NEDD4: variants seen among roughly 807,000 people sequenced by gnomAD.
NEDD4 encodes the protein NEDD4 E3 ubiquitin protein ligase.
A neutral mutation model predicts 144.9 loss-of-function variants in NEDD4; 99 were observed. That is an observed-to-expected ratio of 0.68 (90% CI 0.58 to 0.81). The LOEUF is 0.81. Among genes scored for constraint, NEDD4 ranks in the 30% least tolerant of loss-of-function variants. NEDD4 has a pLI of 0.00. For missense variants in NEDD4, 985 were observed against 1,065.9 expected, an observed-to-expected ratio of 0.92 and a Z score of 1.06; for synonymous variants, 318 against 350.6, an observed-to-expected ratio of 0.91 and a Z score of 1.04.
At chr15:55,917,115 C>T (rs1299396084) in intron 5 of NEDD4, 3 of 1,155,716 alleles carry the variant, frequency 2.6e-6, no homozygotes. Context: ...GACCTTTAAG[C>T]TGAGCTCAGC....
chr15:55,938,509 G>C (rs1595860825), intron 4 of NEDD4, among the ~76,000 whole-genome samples: 1 of 152,180 alleles, frequency 6.6e-6, no homozygotes, highest in Admixed American at 6.5e-5. Context: ...AAAACCCATA[G>C]AAGAAAACAG....
intron 4 of NEDD4, among the ~76,000 whole-genome samples, chr15:55,929,451 C>T (rs749185001): frequency 6.6e-6 from 1 of 151,594 alleles, no homozygotes; most frequent in Non-Finnish European, 1.5e-5. Context: ...AAGCATAGTA[C>T]CCAACAGGCA....
intron 5 of NEDD4, among the ~76,000 whole-genome samples, chr15:55,923,162 C>A (rs1018850625): frequency 6.6e-6 from 1 of 151,684 alleles, no homozygotes; most frequent in Non-Finnish European, 1.5e-5. Flanking sequence ...CCAGCCTAGG[C>A]AACAGAGTGA....
chr15:55,943,637 C>T (rs1396787814), intron 4 of NEDD4, among the ~76,000 whole-genome samples: 5 of 152,170 alleles, frequency 3.3e-5, no homozygotes, highest in African/African-American at 4.8e-5. Context: ...GGAAATGTGT[C>T]GATATCCACA....
At chr15:55,906,801 A>T (rs1459687211) in intron 5 of NEDD4, among the ~76,000 whole-genome samples, 1 of 152,168 alleles carries the variant, frequency 6.6e-6, no homozygotes, top group African/African-American at 2.4e-5. Context: ...AATAAATAAA[A>T]AATAAAATTT....
In NEDD4 at chr15:55,934,702, A is replaced by AC. The variant is rs1482003492; in HGVS notation, c.238-10004dup. 16 of 151,632 alleles carry AC rather than the reference A, an allele frequency of 1.1e-4. 1 individual carries two copies. The highest frequency in any genetic ancestry group is 1.5e-5 in the Non-Finnish European group (1 of 67,928). 9.4% of individuals were successfully genotyped at this position (151,632 alleles called of 1,614,324 possible). ...TAAATCTCTGTCTTACCTTTGTCCCACCCCCAGAGCAAATACAGTAAACAG... is the reference window on the plus strand; with the variant it reads ...TAAATCTCTGTCTTACCTTTGTCCCACCCCCCAGAGCAAATACAGTAAACAG... On this transcript the variant is annotated intron_variant, in intron 4 of 28. Coordinates refer to ENST00000435532, the MANE Select transcript of NEDD4 (RefSeq NM_006154.4).
At chr15:55,930,645 C>G (rs2036761541) in intron 4 of NEDD4, among the ~76,000 whole-genome samples, 1 of 152,146 alleles carries the variant, frequency 6.6e-6, no homozygotes, top group South Asian at 2.1e-4. Context: ...CAAATTTCAC[C>G]TGAATTGTAA....
intron 8 of NEDD4, among the ~76,000 whole-genome samples, chr15:55,864,757 G>C (rs1481876917): frequency 6.6e-6 from 1 of 150,490 alleles, no homozygotes; most frequent in African/African-American, 2.4e-5. Flanking sequence ...GGAATAAGCA[G>C]CACAATTTTT....
intron 9 of NEDD4, among the ~76,000 whole-genome samples, chr15:55,861,866 T>C (rs10851599): frequency 6.6e-6 from 1 of 152,044 alleles, no homozygotes; most frequent in African/African-American, 2.4e-5. Flanking sequence ...GTTCTTACTG[T>C]ACCGTAGCTA....
At chr15:55,902,770 TAATC>T (rs1481473593) in intron 5 of NEDD4, among the ~76,000 whole-genome samples, 1 of 152,166 alleles carries the variant, frequency 6.6e-6, no homozygotes, top group African/African-American at 2.4e-5. Context: ...AAGTATGTGT[TAATC>T]AATAAAAGTA....
At chr15:55,889,378 G>A (rs1258229535) in intron 5 of NEDD4, among the ~76,000 whole-genome samples, 1 of 152,160 alleles carries the variant, frequency 6.6e-6, no homozygotes, top group Non-Finnish European at 1.5e-5. Context: ...ACACAATGGA[G>A]TACTATCCAG....
chr15:55,896,904 A>G (rs1388855381), intron 5 of NEDD4, among the ~76,000 whole-genome samples: 4 of 151,820 alleles, frequency 2.6e-5, no homozygotes, highest in Non-Finnish European at 5.9e-5. Context: ...TAAATTATTA[A>G]ACATGATAAT....
Position 55,951,314 on chromosome 15 carries a change from T to C in NEDD4, c.237+62A>G, listed in dbSNP as rs7168816. On this transcript the variant is annotated intron_variant, in intron 4 of 28. Transcript: ENST00000435532. ...AAATATTAAAAATGAGAATTTATCA[T>C]TCTAACCTCCTAAGAAAAAAACTTA... The C allele has an allele frequency of 3.1e-3, 2,190 of 706,960 alleles. 13 individuals carry two copies. The highest frequency in any genetic ancestry group is 0.03 in the African/African-American group (1,587 of 52,884). The allele number at this position is 706,960 out of a possible 1,614,324, so 43.8% of individuals were successfully genotyped here.
intron 5 of NEDD4, among the ~76,000 whole-genome samples, chr15:55,889,994 C>T (rs1228866039): frequency 2.0e-5 from 3 of 152,074 alleles, no homozygotes; most frequent in Admixed American, 1.3e-4. Flanking sequence ...TGAACCACCA[C>T]ACCAAGACTA....
chr15:55,837,785 A>G lies in NEDD4; in HGVS notation c.2262+4T>C, dbSNP rs2033281944. The stretch of plus-strand genomic sequence containing the variant: ...TGGAAGAGCAAATAAAAGAAAATGA[A>G]TACCTCTTTAAAAGCAGCCATTTGC... On this transcript the variant is annotated splice_donor_region_variant and intron_variant, in intron 24 of 28. Coordinates refer to ENST00000435532, the MANE Select transcript of NEDD4 (RefSeq NM_006154.4). 1.2e-6 allele frequency: 2 copies of G among 1,607,458 alleles called. No homozygotes were observed. Among genetic ancestry groups the G allele is most frequent in the African/African-American group, 2.7e-5 (2 of 74,784 alleles).
chr15:55,842,199 A>T (rs2033545124), intron 18 of NEDD4, 36 bp from the exon 19 acceptor site: 5 of 1,536,484 alleles, frequency 3.3e-6, no homozygotes, highest in Non-Finnish European at 4.5e-6. Flanking sequence ...TGTTTAAATC[A>T]GTTCAACATA....
intron 4 of NEDD4, among the ~76,000 whole-genome samples, chr15:55,946,244 TG>T (rs2037111334): frequency 1.3e-5 from 2 of 152,176 alleles, no homozygotes; most frequent in Non-Finnish European, 2.9e-5. Flanking sequence ...ATCAGTGTGC[TG>T]TATTCAGGAG....
intron 5 of NEDD4, among the ~76,000 whole-genome samples, chr15:55,901,369 G>A (rs1397969850): frequency 6.6e-6 from 1 of 152,106 alleles, no homozygotes; most frequent in African/African-American, 2.4e-5. Flanking sequence ...GATATTCAAT[G>A]TGGGGCTTGT....
intron 2 of NEDD4, among the ~76,000 whole-genome samples, chr15:55,959,993 T>C (rs1442215469): frequency 5.9e-5 from 9 of 152,156 alleles, no homozygotes; most frequent in African/African-American, 2.2e-4. Flanking sequence ...CTTAGCACAG[T>C]TTCCAGTTCT....
Sources: gnomAD v4.1 joint callset for allele counts (sites outside exome capture counted in the v4.1 genomes callset) on GRCh38, gnomAD v4.1.1 for gene constraint, MANE v1.5 for transcripts, NCBI Gene and HGNC (gene_info 2026-07-23, HGNC 2026-07-21) for gene names.